The following ACTR3C variants were observed in gnomAD, a reference collection of about 807,000 sequenced individuals.
The protein encoded by ACTR3C is actin related protein 3C, also known as actin-related protein 3C.
ACTR3C carries 18 observed loss-of-function variants against 26.3 expected under a neutral mutation model. That is an observed-to-expected ratio of 0.68 (90% CI 0.47 to 1.01). The LOEUF is 1.01. Among genes scored for constraint, ACTR3C ranks in the 50% least tolerant of loss-of-function variants. The probability of loss-of-function intolerance (pLI) is 0.00; values close to 1 mark genes in which losing one functional copy is unlikely to be tolerated. For synonymous variants in ACTR3C, 55 were observed against 94.5 expected (o/e 0.58, Z 2.42); for missense variants, 184 against 250.7 (o/e 0.73, Z 1.80).
chr7:150,041,209 C>T, the ACTR3C span, among the ~76,000 whole-genome samples: 1 of 150,636 alleles, frequency 6.6e-6, no homozygotes, highest in Admixed American at 6.6e-5. Context: ...GGGTCCCCGA[C>T]CCCTTTGTGA....
At chr7:150,270,854 C>T (rs1330695542) in intron 6 of ACTR3C, among the ~76,000 whole-genome samples, 1 of 152,058 alleles carries the variant, frequency 6.6e-6, no homozygotes, top group Non-Finnish European at 1.5e-5. Flanking sequence ...CCTGCCAGGT[C>T]GCAAGTCAAA....
At chr7:150,148,439 T>G in the ACTR3C span, among the ~76,000 whole-genome samples, 156 of 152,064 alleles carry the variant, frequency 1.0e-3, no homozygotes, top group African/African-American at 3.4e-3. Flanking sequence ...ATCACACCAC[T>G]GGACTCCAGC....
chr7:150,062,442 A>G, the ACTR3C span, among the ~76,000 whole-genome samples: 1 of 140,914 alleles, frequency 7.1e-6, no homozygotes, highest in African/African-American at 2.8e-5. Flanking sequence ...AGGAGGGACT[A>G]CTTCCATCTC....
At chr7:149,952,116 T>C in the ACTR3C span, among the ~76,000 whole-genome samples, 1 of 151,110 alleles carries the variant, frequency 6.6e-6, no homozygotes, top group African/African-American at 2.5e-5. Flanking sequence ...GTCAGTTTTG[T>C]TGGATTAGGG....
chr7:150,316,175 C>T (rs1340784496), intron 1 of ACTR3C, among the ~76,000 whole-genome samples: 1 of 152,148 alleles, frequency 6.6e-6, no homozygotes, highest in Non-Finnish European at 1.5e-5. Context: ...CCAGCCTGGG[C>T]AACAAGAGTG....
At chr7:150,149,079 G>GTATATA in the ACTR3C span, among the ~76,000 whole-genome samples, 103 of 93,132 alleles carry the variant, frequency 1.1e-3, no homozygotes, top group African/African-American at 2.0e-3. Flanking sequence ...TAAAGTTTGA[G>GTATATA]TATATATATA....
the ACTR3C span, among the ~76,000 whole-genome samples, chr7:150,120,935 T>C: frequency 2.0e-5 from 3 of 152,198 alleles, no homozygotes; most frequent in African/African-American, 7.2e-5. Context: ...GTTCAACATA[T>C]GCAAATCAAT....
the ACTR3C span, among the ~76,000 whole-genome samples, chr7:149,956,017 G>A: frequency 5.9e-5 from 9 of 152,144 alleles, no homozygotes; most frequent in Non-Finnish European, 1.0e-4. Flanking sequence ...CCAGAAGGTC[G>A]CTGAGCTGCA....
chr7:150,301,927 G>T (rs1795461352), intron 1 of ACTR3C, among the ~76,000 whole-genome samples: 1 of 152,140 alleles, frequency 6.6e-6, no homozygotes, highest in South Asian at 2.1e-4. Flanking sequence ...AGATGAAAAG[G>T]CTTCTGGAGA....
At chr7:150,249,421 G>A (rs2373772) in intron 6 of ACTR3C, among the ~76,000 whole-genome samples, 5 of 152,024 alleles carry the variant, frequency 3.3e-5, no homozygotes, top group Non-Finnish European at 5.9e-5. Flanking sequence ...AAGGGCTGAC[G>A]GAAGCATTTT....
At chr7:150,232,733 G>C in the ACTR3C span, among the ~76,000 whole-genome samples, 1 of 149,068 alleles carries the variant, frequency 6.7e-6, no homozygotes, top group South Asian at 2.1e-4. Context: ...TGAGGCAGGA[G>C]AATCACTTGA....
the ACTR3C span, among the ~76,000 whole-genome samples, chr7:149,969,550 TA>T: frequency 7.9e-5 from 12 of 152,188 alleles, no homozygotes; most frequent in Non-Finnish European, 8.8e-5. Context: ...CCACAGATTT[TA>T]ATCTATACCT....
the ACTR3C span, among the ~76,000 whole-genome samples, chr7:149,977,203 T>G: frequency 6.6e-6 from 1 of 152,104 alleles, no homozygotes; most frequent in Admixed American, 6.5e-5. Flanking sequence ...CTCCTGGGGG[T>G]AATCTTGAGA....
the ACTR3C span, among the ~76,000 whole-genome samples, chr7:149,934,487 A>G: frequency 1.3e-5 from 2 of 152,230 alleles, no homozygotes; most frequent in Non-Finnish European, 2.9e-5. Context: ...CACATTTAAT[A>G]ACTCCTTTTG....
rs184665291 is a variant in ACTR3C, at chr7:150,251,499, G to T, written c.565-2445C>A. 2.9e-3 allele frequency among the ~76,000 whole-genome samples: 441 copies of T among 151,926 alleles called. 2 individuals carry two copies. The highest frequency in any genetic ancestry group is 0.01 in the African/African-American group (424 of 41,426). ...CAATATTCAACCCTTTTAAAACATG[G>T]TTGCTATAGATTTTCTCTATATCAC... On this transcript the variant is annotated intron_variant, in intron 6 of 7. Coordinates refer to ENST00000683684, the MANE Select transcript of ACTR3C (RefSeq NM_001164458.2).
the ACTR3C span, among the ~76,000 whole-genome samples, chr7:150,014,565 A>G: frequency 6.6e-6 from 1 of 152,196 alleles, no homozygotes; most frequent in East Asian, 1.9e-4. Context: ...GCTGACTTTC[A>G]TTAAGGGAGT....
chr7:150,041,172 T>A, the ACTR3C span, among the ~76,000 whole-genome samples: 2 of 150,424 alleles, frequency 1.3e-5, no homozygotes, highest in African/African-American at 5.0e-5. Context: ...AACTTGCTGT[T>A]GTTGGGATCC....
the ACTR3C span, among the ~76,000 whole-genome samples, chr7:150,105,120 T>C: frequency 6.6e-6 from 1 of 151,048 alleles, no homozygotes; most frequent in African/African-American, 2.4e-5. Flanking sequence ...TCCCACTCTT[T>C]CACCCGGGCC....
the ACTR3C span, among the ~76,000 whole-genome samples, chr7:150,133,414 T>C: frequency 1.3e-5 from 2 of 152,264 alleles, no homozygotes; most frequent in African/African-American, 4.8e-5. Context: ...ATGCTCCTTG[T>C]TCATGCTCCG....
Sources: allele counts gnomAD v4.1 joint callset (sites outside exome capture counted in the v4.1 genomes callset), GRCh38; gene constraint gnomAD v4.1.1; transcripts MANE v1.5; gene names NCBI Gene and HGNC (gene_info 2026-07-23, HGNC 2026-07-21).